MYO5A: variants seen among roughly 807,000 people sequenced by gnomAD.
MYO5A encodes myosin VA, also known as unconventional myosin-Va.
MYO5A carries 98 observed loss-of-function variants against 249.7 expected under a neutral mutation model. That is an observed-to-expected ratio of 0.39 (90% confidence interval 0.33 to 0.46). The LOEUF (loss-of-function observed/expected upper bound fraction) is 0.46, where lower values mean the gene tolerates loss of function less well. MYO5A is among the 20% of genes least tolerant of loss of function. The pLI is 0.98. For synonymous variants in MYO5A, 778 were observed against 810.6 expected (o/e 0.96, Z 0.68); for missense variants, 1,696 against 2,308.8 (o/e 0.73, Z 5.44).
At chr15:52,492,487 A>AT (rs1254780010) in intron 1 of MYO5A, among the ~76,000 whole-genome samples, 1 of 152,234 alleles carries the variant, frequency 6.6e-6, no homozygotes, top group African/African-American at 2.4e-5. Context: ...CAAACTCTGT[A>AT]TAGCACTTAC....
intron 4 of MYO5A, among the ~76,000 whole-genome samples, chr15:52,419,781 C>A (rs1186696392): frequency 6.6e-6 from 1 of 152,132 alleles, no homozygotes; most frequent in Non-Finnish European, 1.5e-5. Context: ...AGAGCCTATG[C>A]ATTATATAAA....
chr15:52,527,600 T>A (rs370276835), intron 1 of MYO5A, among the ~76,000 whole-genome samples: 10 of 152,334 alleles, frequency 6.6e-5, no homozygotes, highest in Middle Eastern at 3.4e-3. Context: ...CAACAGCTTG[T>A]AAGGGATGCA....
chr15:52,524,477 C>T (rs1424272233), intron 1 of MYO5A, among the ~76,000 whole-genome samples: 2 of 151,858 alleles, frequency 1.3e-5, no homozygotes, highest in African/African-American at 4.8e-5. Context: ...TGGCTTGCAC[C>T]TGGGAGGTCG....
Position 52,423,648 on chromosome 15 carries a change from G to T in MYO5A, c.455+2182C>A, listed in dbSNP as rs1404219581. On this transcript the variant is annotated intron_variant, in intron 4 of 41. Coordinates refer to ENST00000399233, the MANE Select transcript of MYO5A (RefSeq NM_001382347.1). ...AGATACACTCTATTTTACTGCTGTGGCAGATGTTATGGGTATAGATTTATT... is the reference window on the plus strand; with the variant it reads ...AGATACACTCTATTTTACTGCTGTGTCAGATGTTATGGGTATAGATTTATT... Among the ~76,000 whole-genome samples, 57 of 152,052 alleles carry T rather than the reference G, an allele frequency of 3.7e-4. 1 individual carries two copies. Among genetic ancestry groups the T allele is most frequent in the Non-Finnish European group, 1.5e-5 (1 of 68,028 alleles).
At chr15:52,316,353 C>T (rs1209921970) in intron 40 of MYO5A, among the ~76,000 whole-genome samples, 1 of 152,014 alleles carries the variant, frequency 6.6e-6, no homozygotes, top group Admixed American at 6.5e-5. Flanking sequence ...TCACTATAAT[C>T]CTCAAATGCC....
intron 20 of MYO5A, among the ~76,000 whole-genome samples, chr15:52,373,902 A>G (rs995891253): frequency 3.9e-5 from 6 of 152,144 alleles, no homozygotes; most frequent in African/African-American, 1.4e-4. Flanking sequence ...AAATACACTC[A>G]TTCAAGCCTC....
chr15:52,443,231 A>G (rs2141344825), intron 1 of MYO5A, among the ~76,000 whole-genome samples: 2 of 152,310 alleles, frequency 1.3e-5, no homozygotes, highest in South Asian at 4.1e-4. Flanking sequence ...CAGTGTTCCA[A>G]TGAGCTCTGA....
At chr15:52,388,235 A>G (rs1454293504) in intron 13 of MYO5A, among the ~76,000 whole-genome samples, 1 of 152,184 alleles carries the variant, frequency 6.6e-6, no homozygotes, top group Non-Finnish European at 1.5e-5. Context: ...GACTCCTTGT[A>G]TCTCCTTCCA....
chr15:52,362,571 G>C (rs2040587405), intron 24 of MYO5A, among the ~76,000 whole-genome samples: 1 of 151,800 alleles, frequency 6.6e-6, no homozygotes, highest in Admixed American at 6.6e-5. Context: ...AGTGAGCTCT[G>C]ATCTCCCTTC....
chr15:52,390,726 AT>A (rs1322139193), intron 12 of MYO5A, among the ~76,000 whole-genome samples: 1 of 151,748 alleles, frequency 6.6e-6, no homozygotes, highest in Non-Finnish European at 1.5e-5. Context: ...TGCCCAGCTA[AT>A]TTTTTGTATT....
At chr15:52,509,112 T>G (rs745843526) in intron 1 of MYO5A, among the ~76,000 whole-genome samples, 30 of 152,022 alleles carry the variant, frequency 2.0e-4, no homozygotes, top group Non-Finnish European at 4.3e-4. Flanking sequence ...ACTGGGACTA[T>G]GGGCATGTGC....
At chr15:52,351,516 C>A (rs1007245956) in intron 27 of MYO5A, 35 bp from the exon 28 acceptor site, 3 of 1,585,668 alleles carry the variant, frequency 1.9e-6, no homozygotes, top group Non-Finnish European at 2.6e-6. Flanking sequence ...TCATTGCTGT[C>A]ATCCTCAACT....
chr15:52,441,896 T>C (rs766557399), intron 1 of MYO5A, among the ~76,000 whole-genome samples: 2 of 152,232 alleles, frequency 1.3e-5, no homozygotes, highest in African/African-American at 2.4e-5. Flanking sequence ...ACTTTTGTTA[T>C]ATGAGTGTTC....
At chr15:52,494,284 T>A (rs960119435) in intron 1 of MYO5A, among the ~76,000 whole-genome samples, 1 of 152,138 alleles carries the variant, frequency 6.6e-6, no homozygotes, top group African/African-American at 2.4e-5. Flanking sequence ...TGAACAAAAA[T>A]ATAAGATGAA....
intron 4 of MYO5A, among the ~76,000 whole-genome samples, chr15:52,424,298 T>A (rs1479032247): frequency 2.0e-5 from 3 of 152,360 alleles, no homozygotes; most frequent in Non-Finnish European, 4.4e-5. Flanking sequence ...TTATATTTAA[T>A]ACATTAATAT....
At chr15:52,507,200 C>G (rs2077290573) in intron 1 of MYO5A, among the ~76,000 whole-genome samples, 1 of 152,166 alleles carries the variant, frequency 6.6e-6, no homozygotes, top group Non-Finnish European at 1.5e-5. Flanking sequence ...CTTTAGGATT[C>G]AAGCAACAGT....
chr15:52,439,880 C>T (rs2075749093), intron 1 of MYO5A, among the ~76,000 whole-genome samples: 1 of 152,258 alleles, frequency 6.6e-6, no homozygotes, highest in African/African-American at 2.4e-5. Context: ...AAACACACAT[C>T]AAAGATTTGT....
rs753611316 is a variant in MYO5A at position 52,340,205 on chromosome 15, G to A, written c.4230C>T (p.Asn1410=). Residue 1410 remains asparagine, a synonymous_variant, in exon 32 of 42, where the codon AAC becomes AAT. Transcript: ENST00000399233. ...SLQHEITRLT[N]ENLYFEELYA... Reference sequence around the variant, plus strand: ...CGGCAGCTCTCCTTACCAAGTTTTCGTTGGTCAGCCGGGTGATCTCGTGCT... The same window carrying A: ...CGGCAGCTCTCCTTACCAAGTTTTCATTGGTCAGCCGGGTGATCTCGTGCT... 2 of 1,614,156 alleles carry A rather than the reference G, an allele frequency of 1.2e-6. No homozygotes were observed. Among genetic ancestry groups the A allele is most frequent in the Admixed American group, 1.7e-5 (1 of 60,026 alleles).
chr15:52,426,331 T>C (rs2075393607), intron 3 of MYO5A, among the ~76,000 whole-genome samples: 1 of 146,550 alleles, frequency 6.8e-6, no homozygotes, highest in Non-Finnish European at 1.5e-5. Context: ...TTTTTTTTTT[T>C]TTCACAAAGA....
Sources: gnomAD v4.1 joint callset for allele counts (sites outside exome capture counted in the v4.1 genomes callset) on GRCh38, gnomAD v4.1.1 for gene constraint, MANE v1.5 for transcripts, NCBI Gene and HGNC (gene_info 2026-07-23, HGNC 2026-07-21) for gene names.